Variants in NARS2 observed in about 807,000 individuals in gnomAD.
NARS2 encodes asparaginyl-tRNA synthetase.
In NARS2, 60 loss-of-function variants were observed where a neutral mutation model predicts 62.9. The ratio of observed to expected loss-of-function variants is 0.95; its 90% CI spans 0.77 to 1.18. The LOEUF (loss-of-function observed/expected upper bound fraction) is 1.18, where lower values mean the gene tolerates loss of function less well. Ranked by LOEUF, NARS2 falls within the 50% of genes most tolerant of loss-of-function variation. The probability of loss-of-function intolerance (pLI) is 0.00; values close to 1 mark genes in which losing one functional copy is unlikely to be tolerated. For missense variants in NARS2, 619 were observed against 576.4 expected (o/e 1.07, Z -0.76); for synonymous variants, 196 against 200.0 (o/e 0.98, Z 0.17).
At chr11:78,459,309 T>C (rs1591145100) in intron 11 of NARS2, among the ~76,000 whole-genome samples, 1 of 151,222 alleles carries the variant, frequency 6.6e-6, no homozygotes, top group East Asian at 1.9e-4. Flanking sequence ...TTGCTCTTGT[T>C]GCCCAGGCTG....
At chr11:78,555,802 T>C (rs1047861886) in intron 5 of NARS2, among the ~76,000 whole-genome samples, 1 of 152,188 alleles carries the variant, frequency 6.6e-6, no homozygotes, top group African/African-American at 2.4e-5. Context: ...TTCTAACTTT[T>C]TGATGTGGGC....
chr11:78,443,624 A>C, intron 12 of NARS2, 37 bp downstream of exon 12: 1 of 1,509,824 alleles, frequency 6.6e-7, no homozygotes, highest in Non-Finnish European at 9.2e-7. Flanking sequence ...CTTATGCTCA[A>C]TTTCTCAATT....
chr11:78,489,482 A>G (rs1859725392), intron 7 of NARS2, among the ~76,000 whole-genome samples: 1 of 152,196 alleles, frequency 6.6e-6, no homozygotes, highest in Non-Finnish European at 1.5e-5. Context: ...ACTTCCATAC[A>G]TTGCTGGTAG....
Position 78,439,955 on chromosome 11 carries a change from C to A in NARS2, c.1289+1136G>T, listed in dbSNP as rs61881821. Among the ~76,000 whole-genome samples, 641 of 152,340 alleles carry A rather than the reference C, an allele frequency of 4.2e-3. 1 individual carries two copies. The highest frequency in any genetic ancestry group is 6.6e-3 in the Non-Finnish European group (450 of 68,030). ...CAGACACGTGGTCCTCCCTAAGCAG[C>A]TTGGATTTCTATAGTTCGTGGGGGC... is the stretch of plus-strand genomic sequence containing the variant. On this transcript the variant is annotated intron_variant, in intron 13 of 13. Coordinates refer to ENST00000281038, the MANE Select transcript of NARS2 (RefSeq NM_024678.6).
intron 5 of NARS2, among the ~76,000 whole-genome samples, chr11:78,534,232 A>G (rs574202295): frequency 6.6e-6 from 1 of 152,274 alleles, no homozygotes; most frequent in East Asian, 1.9e-4. Context: ...GAAACTGCCA[A>G]ACTATACTGC....
rs1393171982 is a variant in NARS2, at chr11:78,528,112, T to G, written c.689+730A>C. 1.2e-4 allele frequency among the ~76,000 whole-genome samples: 18 copies of G among 152,242 alleles called. 1 individual carries two copies. The highest frequency in any genetic ancestry group is 4.4e-5 in the Non-Finnish European group (3 of 68,016). On this transcript the variant is annotated intron_variant, in intron 6 of 13. Coordinates refer to ENST00000281038, the MANE Select transcript of NARS2 (RefSeq NM_024678.6). ...TTAGCCAGGTTTGGTGGTATATACCTGTAGTCCCAGCTACTCAGAAGGCTG... is the reference window on the plus strand; with the variant it reads ...TTAGCCAGGTTTGGTGGTATATACCGGTAGTCCCAGCTACTCAGAAGGCTG...
At chr11:78,564,871 C>G (rs1171373837) in intron 4 of NARS2, among the ~76,000 whole-genome samples, 1 of 152,182 alleles carries the variant, frequency 6.6e-6, no homozygotes, top group Admixed American at 6.5e-5. Flanking sequence ...TTCTTTAGCT[C>G]TTTGACCAAA....
intron 11 of NARS2, among the ~76,000 whole-genome samples, chr11:78,460,993 T>C (rs1207016905): frequency 1.3e-5 from 2 of 152,222 alleles, no homozygotes; most frequent in African/African-American, 4.8e-5. Flanking sequence ...AAGTAACCTA[T>C]AAATTATTTA....
At chr11:78,532,571 G>T (rs774646011) in intron 5 of NARS2, among the ~76,000 whole-genome samples, 4 of 152,206 alleles carry the variant, frequency 2.6e-5, no homozygotes, top group Non-Finnish European at 4.4e-5. Flanking sequence ...GTGATTGATT[G>T]TAAGACCTAG....
At chr11:78,450,351 A>G (rs983002545) in intron 11 of NARS2, among the ~76,000 whole-genome samples, 2 of 152,184 alleles carry the variant, frequency 1.3e-5, no homozygotes, top group African/African-American at 4.8e-5. Flanking sequence ...AAAATTTTAG[A>G]AGACATCTGG....
Position 78,528,824 on chromosome 11 carries a change from G to C in NARS2, c.689+18C>G. On this transcript the variant is annotated intron_variant, in intron 6 of 13. Transcript: ENST00000281038. ...AACCATAATATATCAAAGCAAAAGAGAAAGGAAAATTTCATACCCTGACAT... is the reference window on the plus strand; with the variant it reads ...AACCATAATATATCAAAGCAAAAGACAAAGGAAAATTTCATACCCTGACAT... The C allele has an allele frequency of 6.4e-7, 1 of 1,551,828 alleles. No homozygotes were observed. Among genetic ancestry groups the C allele is most frequent in the Non-Finnish European group, 8.9e-7 (1 of 1,125,016 alleles).
At chr11:78,552,626 G>A (rs1035316858) in intron 5 of NARS2, among the ~76,000 whole-genome samples, 1 of 152,170 alleles carries the variant, frequency 6.6e-6, no homozygotes, top group African/African-American at 2.4e-5. Flanking sequence ...CTCCTTTGGT[G>A]AGGCTAATCA....
intron 6 of NARS2, among the ~76,000 whole-genome samples, chr11:78,502,787 A>T (rs1187029443): frequency 6.6e-6 from 1 of 152,128 alleles, no homozygotes; most frequent in Non-Finnish European, 1.5e-5. Flanking sequence ...GGCTGTCAGG[A>T]GTCTGAGACC....
chr11:78,451,575 G>A (rs1266813041), intron 11 of NARS2, among the ~76,000 whole-genome samples: 1 of 152,222 alleles, frequency 6.6e-6, no homozygotes, highest in East Asian at 1.9e-4. Context: ...CAGGTCTGTG[G>A]TTTATGGGAG....
intron 10 of NARS2, among the ~76,000 whole-genome samples, chr11:78,468,736 T>C (rs1451760751): frequency 6.6e-6 from 1 of 152,028 alleles, no homozygotes; most frequent in Non-Finnish European, 1.5e-5. Context: ...AGAATATATT[T>C]TGGAAAACAC....
intron 6 of NARS2, among the ~76,000 whole-genome samples, chr11:78,510,094 G>C (rs116618565): frequency 0.015 from 2,271 of 152,150 alleles, 58 homozygotes; most frequent in African/African-American, 0.052. Flanking sequence ...AAAGTATATA[G>C]AAAACAAATA....
At chr11:78,445,974 A>G (rs768949622) in intron 11 of NARS2, among the ~76,000 whole-genome samples, 7 of 152,022 alleles carry the variant, frequency 4.6e-5, no homozygotes, top group Non-Finnish European at 8.8e-5. Flanking sequence ...AAATATATAT[A>G]TATTTATTTG....
chr11:78,557,824 A>G (rs1856413665), intron 5 of NARS2, among the ~76,000 whole-genome samples: 1 of 146,890 alleles, frequency 6.8e-6, no homozygotes, highest in South Asian at 2.1e-4. Flanking sequence ...TATATTATAT[A>G]TATATATCTC....
chr11:78,520,145 A>G (rs188859065), intron 6 of NARS2, among the ~76,000 whole-genome samples: 1 of 152,354 alleles, frequency 6.6e-6, no homozygotes, highest in African/African-American at 2.4e-5. Context: ...AAATTGCTAT[A>G]TTCTGTTGGC....
Sources: allele counts gnomAD v4.1 joint callset (sites outside exome capture counted in the v4.1 genomes callset), GRCh38; gene constraint gnomAD v4.1.1; transcripts MANE v1.5; gene names NCBI Gene and HGNC (gene_info 2026-07-23, HGNC 2026-07-21).